The following GABRB2 variants were observed in gnomAD, a reference collection of about 807,000 sequenced individuals.
GABRB2 encodes gamma-aminobutyric acid receptor subunit beta-2.
GABRB2 carries 16 observed loss-of-function variants against 54.7 expected under a neutral mutation model. The ratio of observed to expected loss-of-function variants is 0.29; its 90% CI spans 0.20 to 0.44. The LOEUF (loss-of-function observed/expected upper bound fraction) is 0.44. Ranked by LOEUF, GABRB2 falls within the 20% of genes least tolerant of loss-of-function variation. The probability of loss-of-function intolerance (pLI) is 1.00; values close to 1 mark genes in which losing one functional copy is unlikely to be tolerated. For synonymous variants in GABRB2, 244 were observed against 233.8 expected (o/e 1.04, Z -0.40); for missense variants, 355 against 644.0 (o/e 0.55, Z 4.86).
chr5:161,492,681 A>T (rs1245223666), intron 3 of GABRB2, among the ~76,000 whole-genome samples: 1 of 151,620 alleles, frequency 6.6e-6, no homozygotes, highest in Non-Finnish European at 1.5e-5. Flanking sequence ...GAAGTATACA[A>T]CGTAAAAAGG....
At chr5:161,377,515 A>G (rs994478791) in intron 5 of GABRB2, among the ~76,000 whole-genome samples, 3 of 152,120 alleles carry the variant, frequency 2.0e-5, no homozygotes, top group Non-Finnish European at 4.4e-5. Flanking sequence ...TTCTACCTGA[A>G]AAGATTTTTT....
At chr5:161,508,691 G>T (rs1759678388) in intron 3 of GABRB2, among the ~76,000 whole-genome samples, 1 of 152,020 alleles carries the variant, frequency 6.6e-6, no homozygotes, top group Admixed American at 6.6e-5. Flanking sequence ...CCATGAGGAA[G>T]AGACAAGCAC....
At chr5:161,412,093 A>T (rs1046385575) in intron 4 of GABRB2, among the ~76,000 whole-genome samples, 4 of 152,310 alleles carry the variant, frequency 2.6e-5, no homozygotes, top group African/African-American at 9.6e-5. Context: ...GAAGTAAGAT[A>T]TAGCTCCAGC....
intron 4 of GABRB2, among the ~76,000 whole-genome samples, chr5:161,440,690 G>A (rs188983506): frequency 1.2e-4 from 19 of 152,134 alleles, no homozygotes; most frequent in Non-Finnish European, 2.5e-4. Flanking sequence ...AACAAAACCA[G>A]AGGAATCACA....
At chr5:161,367,272 T>C (rs73797587) in intron 5 of GABRB2, among the ~76,000 whole-genome samples, 2,316 of 152,318 alleles carry the variant, frequency 0.015, 60 homozygotes, top group African/African-American at 0.052. Context: ...CTGCATGTGA[T>C]TTAAAAAACA....
chr5:161,496,451 A>G (rs963854111), intron 3 of GABRB2, among the ~76,000 whole-genome samples: 6 of 152,078 alleles, frequency 3.9e-5, no homozygotes, highest in African/African-American at 1.4e-4. Context: ...GTACCTTGAA[A>G]TATTATGTTA....
At chr5:161,426,093 GGTAAAGGAAC>G (rs1435028092) in intron 4 of GABRB2, among the ~76,000 whole-genome samples, 1 of 152,016 alleles carries the variant, frequency 6.6e-6, no homozygotes, top group Non-Finnish European at 1.5e-5. Context: ...CACAGTGTTA[GGTAAAGGAAC>G]GTAAGTTTGT....
chr5:161,475,792 G>A (rs1213650268), intron 3 of GABRB2, among the ~76,000 whole-genome samples: 3 of 150,566 alleles, frequency 2.0e-5, no homozygotes, highest in African/African-American at 7.4e-5. Flanking sequence ...AACTAAAAAG[G>A]AAACTACCTC....
chr5:161,341,757 T>C (rs935343006), intron 5 of GABRB2, among the ~76,000 whole-genome samples: 1 of 150,906 alleles, frequency 6.6e-6, no homozygotes, highest in Admixed American at 6.6e-5. Flanking sequence ...CATGGCATTT[T>C]AAAAAGTTAT....
At chr5:161,424,125 C>T (rs957042151) in intron 4 of GABRB2, among the ~76,000 whole-genome samples, 1 of 152,114 alleles carries the variant, frequency 6.6e-6, no homozygotes, top group Non-Finnish European at 1.5e-5. Flanking sequence ...GGAAAGAAGG[C>T]ATCTCCATAA....
intron 3 of GABRB2, among the ~76,000 whole-genome samples, chr5:161,471,213 C>T (rs565013268): frequency 2.0e-5 from 3 of 151,948 alleles, no homozygotes; most frequent in African/African-American, 7.2e-5. Flanking sequence ...CAAAAGCAAA[C>T]GAAACTCAGA....
chr5:161,383,524 C>T (rs1214814037), intron 5 of GABRB2, among the ~76,000 whole-genome samples: 1 of 152,100 alleles, frequency 6.6e-6, no homozygotes, highest in Non-Finnish European at 1.5e-5. Context: ...AGTACAGTAG[C>T]CCTTCACCAC....
upstream of GABRB2, chr5:161,546,819 A>T: frequency 2.5e-6 from 3 of 1,211,860 alleles, no homozygotes; most frequent in Non-Finnish European, 2.2e-6. Flanking sequence ...AAAAAAAAAA[A>T]TTAAAAGGGA....
chr5:161,374,323 C>CA (rs1182427603), intron 5 of GABRB2, among the ~76,000 whole-genome samples: 1 of 152,182 alleles, frequency 6.6e-6, no homozygotes, highest in Non-Finnish European at 1.5e-5. Context: ...TCAAACTTAA[C>CA]ATGCTCAAAA....
At chr5:161,369,307 C>T (rs1293589997) in intron 5 of GABRB2, among the ~76,000 whole-genome samples, 3 of 152,106 alleles carry the variant, frequency 2.0e-5, no homozygotes, top group Non-Finnish European at 2.9e-5. Context: ...GTTTTAAGAG[C>T]AATACTCTTT....
intron 4 of GABRB2, among the ~76,000 whole-genome samples, chr5:161,440,102 CA>C (rs1182717555): frequency 7.6e-6 from 1 of 131,976 alleles, no homozygotes; most frequent in Non-Finnish European, 1.7e-5. Flanking sequence ...CACATATACA[CA>C]AAAAATAAAA....
chr5:161,495,303 G>C (rs1214581949), intron 3 of GABRB2, among the ~76,000 whole-genome samples: 1 of 151,592 alleles, frequency 6.6e-6, no homozygotes, highest in African/African-American at 2.4e-5. Flanking sequence ...ACCTAAGTTT[G>C]TTCAAAAATA....
chr5:161,353,291 G>C (rs904318508), intron 5 of GABRB2, among the ~76,000 whole-genome samples: 1 of 151,932 alleles, frequency 6.6e-6, no homozygotes, highest in Admixed American at 6.6e-5. Context: ...TGAATACTAA[G>C]CACATTAAAA....
At chr5:161,492,564 T>TTGTGTGTG (rs111553488) in intron 3 of GABRB2, among the ~76,000 whole-genome samples, 57 of 149,316 alleles carry the variant, frequency 3.8e-4, no homozygotes, top group Admixed American at 1.1e-3. Flanking sequence ...TTGTTGTAAT[T>TTGTGTGTG]TGTGTGTGTG....
Sources: gnomAD v4.1 joint callset for allele counts (sites outside exome capture counted in the v4.1 genomes callset) on GRCh38, gnomAD v4.1.1 for gene constraint, MANE v1.5 for transcripts, NCBI Gene and HGNC (gene_info 2026-07-23, HGNC 2026-07-21) for gene names.